The following PALM2AKAP2 variants were observed in gnomAD, a reference collection of about 807,000 sequenced individuals.
PALM2AKAP2 encodes PALM2-AKAP2 fusion protein.
Under a neutral mutation model 71.5 loss-of-function variants are expected in PALM2AKAP2, and 37 were observed. The observed-to-expected ratio is 0.52, with a 90% CI of 0.40 to 0.68. The LOEUF (loss-of-function observed/expected upper bound fraction) is 0.68. Ranked by LOEUF, PALM2AKAP2 falls within the 30% of genes least tolerant of loss-of-function variation. PALM2AKAP2 has a pLI of 0.00. For missense variants in PALM2AKAP2, 1,224 were observed against 1,191.8 expected (o/e 1.03, Z -0.40); for synonymous variants, 468 against 478.8 (o/e 0.98, Z 0.29).
chr9:109,960,315 CT>C (rs1400573199), intron 6 of PALM2AKAP2, among the ~76,000 whole-genome samples: 1 of 152,212 alleles, frequency 6.6e-6, no homozygotes, highest in African/African-American at 2.4e-5. Flanking sequence ...CTCCTGCTGT[CT>C]TTACCATACG....
chr9:109,681,785 T>G (rs1827739785), intron 1 of PALM2AKAP2, among the ~76,000 whole-genome samples: 1 of 152,172 alleles, frequency 6.6e-6, no homozygotes, highest in African/African-American at 2.4e-5. Flanking sequence ...TCATTCCAAA[T>G]CACTGTACAC....
chr9:109,822,205 C>T (rs1828024230), intron 1 of PALM2AKAP2, among the ~76,000 whole-genome samples: 1 of 152,122 alleles, frequency 6.6e-6, no homozygotes, highest in Non-Finnish European at 1.5e-5. Flanking sequence ...CTAAGGAAAG[C>T]GTCAAAAAGT....
chr9:110,009,243 G>A (rs1350475747), intron 6 of PALM2AKAP2, among the ~76,000 whole-genome samples: 1 of 152,080 alleles, frequency 6.6e-6, no homozygotes, highest in Admixed American at 6.6e-5. Context: ...CTCCCTCTGA[G>A]GCTTTGACCC....
intron 6 of PALM2AKAP2, among the ~76,000 whole-genome samples, chr9:109,955,840 G>A (rs1020401892): frequency 1.3e-5 from 2 of 151,920 alleles, no homozygotes; most frequent in Non-Finnish European, 2.9e-5. Context: ...AGGAGGCTGA[G>A]GCAGGAGAAT....
chr9:109,678,572 C>T (rs570383524), intron 1 of PALM2AKAP2, among the ~76,000 whole-genome samples: 4 of 152,218 alleles, frequency 2.6e-5, no homozygotes, highest in East Asian at 3.9e-4. Context: ...CATTTATAAT[C>T]GTTAAGATTT....
At chr9:109,861,655 G>A (rs566767191) in intron 1 of PALM2AKAP2, among the ~76,000 whole-genome samples, 14 of 152,242 alleles carry the variant, frequency 9.2e-5, no homozygotes, top group South Asian at 2.1e-4. Context: ...AGCTCATTAT[G>A]CTTTTCCCTG....
chr9:110,097,754 G>C (rs529063865), intron 1 of PALM2AKAP2, among the ~76,000 whole-genome samples: 1 of 143,576 alleles, frequency 7.0e-6, no homozygotes, highest in Non-Finnish European at 1.5e-5. Context: ...CTTCCCAGAC[G>C]GGGTGGCGGC....
At chr9:109,894,532 T>C (rs1397418482) in intron 3 of PALM2AKAP2, among the ~76,000 whole-genome samples, 1 of 152,152 alleles carries the variant, frequency 6.6e-6, no homozygotes, top group Non-Finnish European at 1.5e-5. Flanking sequence ...CAGTAAGGTG[T>C]TTAGAAACTT....
chr9:109,688,513 C>A (rs1380977514), intron 1 of PALM2AKAP2, among the ~76,000 whole-genome samples: 2 of 152,174 alleles, frequency 1.3e-5, no homozygotes, highest in Non-Finnish European at 2.9e-5. Flanking sequence ...TCAGAATAGC[C>A]CTGCAAAGGG....
chr9:110,123,585 G>C (rs1222856990), intron 1 of PALM2AKAP2, among the ~76,000 whole-genome samples: 3 of 152,182 alleles, frequency 2.0e-5, no homozygotes, highest in African/African-American at 4.8e-5. Flanking sequence ...ACAACAGTGT[G>C]CCTGTGTGTG....
chr9:109,867,478 C>A lies in PALM2AKAP2; in HGVS notation c.46-13C>A. Reference sequence around the variant, plus strand: ...CCACCCACTCTTACAGCCTCTGTCTCTTTATTTTCAAGGAAAAAAGAAAGA... The same window carrying A: ...CCACCCACTCTTACAGCCTCTGTCTATTTATTTTCAAGGAAAAAAGAAAGA... On this transcript the variant is annotated splice_polypyrimidine_tract_variant and intron_variant, in intron 1 of 9. Coordinates refer to the PALM2AKAP2 transcript ENST00000302798. 6.2e-7 allele frequency: 1 copy of A among 1,609,522 alleles called. No homozygotes were observed. The highest frequency in any genetic ancestry group is 1.1e-5 in the South Asian group (1 of 90,806).
intron 1 of PALM2AKAP2, among the ~76,000 whole-genome samples, chr9:109,716,143 G>A (rs1828316182): frequency 6.6e-6 from 1 of 152,084 alleles, no homozygotes; most frequent in Non-Finnish European, 1.5e-5. Flanking sequence ...GTAAAAATCT[G>A]GAAAAATAAA....
chr9:110,132,286 C>T (rs1290768679), intron 1 of PALM2AKAP2, among the ~76,000 whole-genome samples: 1 of 152,016 alleles, frequency 6.6e-6, no homozygotes, highest in Non-Finnish European at 1.5e-5. Context: ...AACTCCTGAC[C>T]TCACCTCAGG....
chr9:109,794,921 A>G (rs990410368), intron 1 of PALM2AKAP2, among the ~76,000 whole-genome samples: 3 of 152,214 alleles, frequency 2.0e-5, no homozygotes, highest in Non-Finnish European at 4.4e-5. Context: ...AGGGTTGTGG[A>G]CACTCACAAT....
chr9:109,718,264 G>C (rs1223561996), intron 1 of PALM2AKAP2, among the ~76,000 whole-genome samples: 1 of 151,988 alleles, frequency 6.6e-6, no homozygotes, highest in Non-Finnish European at 1.5e-5. Flanking sequence ...TGTATTTGTA[G>C]AGATGGGGTT....
At chr9:110,044,895 G>A (rs116115104), upstream of PALM2AKAP2, among the ~76,000 whole-genome samples, 1 of 151,980 alleles carries the variant, frequency 6.6e-6, no homozygotes, top group Non-Finnish European at 1.5e-5. Flanking sequence ...CTAAGTTTGG[G>A]GGCATGTGTC....
intron 1 of PALM2AKAP2, among the ~76,000 whole-genome samples, chr9:109,759,435 G>A (rs1829016959): frequency 6.6e-6 from 1 of 152,124 alleles, no homozygotes; most frequent in African/African-American, 2.4e-5. Context: ...GCAAGATAGT[G>A]TGAATCATTT....
chr9:109,822,723 T>G (rs977281356), intron 1 of PALM2AKAP2, among the ~76,000 whole-genome samples: 4 of 152,216 alleles, frequency 2.6e-5, no homozygotes, highest in Non-Finnish European at 4.4e-5. Context: ...TTTTTATGGC[T>G]GTGTTGTATT....
chr9:109,654,297 C>A (rs918088765), intron 1 of PALM2AKAP2, among the ~76,000 whole-genome samples: 6 of 152,100 alleles, frequency 3.9e-5, no homozygotes, highest in African/African-American at 1.4e-4. Flanking sequence ...ACTCTGGGAT[C>A]CTTACTATTA....
Sources: gnomAD v4.1 joint callset for allele counts (sites outside exome capture counted in the v4.1 genomes callset) on GRCh38, gnomAD v4.1.1 for gene constraint, MANE v1.5 for transcripts, NCBI Gene and HGNC (gene_info 2026-07-23, HGNC 2026-07-21) for gene names.